Variants in TNS1 observed in about 807,000 individuals in gnomAD.
The protein encoded by TNS1 is tensin-1.
Under a neutral mutation model 168.6 loss-of-function variants are expected in TNS1, and 62 were observed. The ratio of observed to expected loss-of-function variants is 0.37; its 90% CI spans 0.30 to 0.45. The LOEUF is 0.45. Among genes scored for constraint, TNS1 ranks in the 20% least tolerant of loss-of-function variants. The pLI is 1.00. For missense variants in TNS1, 2,240 were observed against 2,339.4 expected (o/e 0.96, Z 0.88); for synonymous variants, 934 against 933.2 (o/e 1.00, Z -0.02).
intron 22 of TNS1, among the ~76,000 whole-genome samples, chr2:217,822,916 C>T (rs2125208038): frequency 6.6e-6 from 1 of 152,318 alleles, no homozygotes; most frequent in South Asian, 2.1e-4. Context: ...GAATGTCATT[C>T]CTACCACCTC....
intron 21 of TNS1, among the ~76,000 whole-genome samples, chr2:217,833,218 A>T (rs1185669480): frequency 6.6e-6 from 1 of 152,216 alleles, no homozygotes; most frequent in East Asian, 1.9e-4. Flanking sequence ...GGTGAAGCGG[A>T]CGAGAGGACC....
At chr2:217,866,012 T>C (rs1025583225) in intron 18 of TNS1, among the ~76,000 whole-genome samples, 3 of 152,096 alleles carry the variant, frequency 2.0e-5, no homozygotes, top group East Asian at 3.9e-4. Context: ...TTTCAGAAAA[T>C]CTAGAAAATC....
At chr2:217,882,615 A>G (rs977606972) in intron 16 of TNS1, among the ~76,000 whole-genome samples, 3 of 152,124 alleles carry the variant, frequency 2.0e-5, no homozygotes, top group African/African-American at 7.2e-5. Context: ...CCCCTGTCCT[A>G]CTTGCCTGAG....
chr2:217,981,467 T>C (rs1031290850), intron 2 of TNS1, among the ~76,000 whole-genome samples: 3 of 152,186 alleles, frequency 2.0e-5, no homozygotes, highest in African/African-American at 4.8e-5. Flanking sequence ...CATCAGGTAA[T>C]TGCAATACGC....
At chr2:218,013,623 C>A (rs533802757), upstream of TNS1, among the ~76,000 whole-genome samples, 1 of 152,148 alleles carries the variant, frequency 6.6e-6, no homozygotes, top group Non-Finnish European at 1.5e-5. Flanking sequence ...TGTCCCCCTG[C>A]TCATGTGACA....
intron 22 of TNS1, among the ~76,000 whole-genome samples, chr2:217,824,282 T>C (rs1038962662): frequency 6.6e-6 from 1 of 152,166 alleles, no homozygotes; most frequent in Admixed American, 6.5e-5. Context: ...GACACATGGA[T>C]AATTAGTGGC....
At chr2:217,809,408 GAT>G in intron 30 of TNS1, among the ~76,000 whole-genome samples, 1 of 121,784 alleles carries the variant, frequency 8.2e-6, no homozygotes. Context: ...TGGATGGATG[GAT>G]GGATGCATGG....
At chr2:218,019,937 C>G (rs1022659192) in intron 1 of TNS1, among the ~76,000 whole-genome samples, 1 of 152,126 alleles carries the variant, frequency 6.6e-6, no homozygotes, top group Non-Finnish European at 1.5e-5. Flanking sequence ...CCCGCTCCCC[C>G]ACTCCCCGGC....
chr2:218,010,496 CT>C (rs1288817721), upstream of TNS1: 12 of 275,368 alleles, frequency 4.4e-5, no homozygotes, highest in African/African-American at 1.3e-4. Flanking sequence ...CCGCGGCTTT[CT>C]CCTCCCCTGG....
At chr2:218,010,448 C>T (rs1434401810), upstream of TNS1, 7 of 365,274 alleles carry the variant, frequency 1.9e-5, no homozygotes, top group African/African-American at 1.0e-4. Flanking sequence ...CCACGGGGCG[C>T]GGGCAGCAGG....
chr2:217,869,603 G>A (rs1949592008), intron 18 of TNS1, among the ~76,000 whole-genome samples: 1 of 152,208 alleles, frequency 6.6e-6, no homozygotes, highest in Admixed American at 6.5e-5. Flanking sequence ...GCCACATGGG[G>A]AGGAGGTGAG....
At chr2:217,968,788 G>A (rs1260808091) in intron 3 of TNS1, among the ~76,000 whole-genome samples, 1 of 151,862 alleles carries the variant, frequency 6.6e-6, no homozygotes, top group Admixed American at 6.6e-5. Context: ...TCCGCCTCCC[G>A]GGTTCAAGAG....
chr2:217,866,860 C>T (rs1463653836), intron 18 of TNS1, among the ~76,000 whole-genome samples: 1 of 152,226 alleles, frequency 6.6e-6, no homozygotes, highest in Non-Finnish European at 1.5e-5. Context: ...GCTGGACAGG[C>T]AGGCTTCCCA....
At chr2:218,031,733 GGGGGA>G (rs1289766539) in intron 1 of TNS1, among the ~76,000 whole-genome samples, 3 of 152,180 alleles carry the variant, frequency 2.0e-5, no homozygotes, top group Non-Finnish European at 4.4e-5. Context: ...TCCAACCCAT[GGGGGA>G]GGGAGTCAGA....
In TNS1 at chr2:217,875,586, T is replaced by A. The variant is rs1157988973; in HGVS notation, c.1429+5312A>T. ...ATCCATGCCTGTCTATCTCTCCATG[T>A]CTCTCATCTATTTATTTCTTTCTCC... On this transcript the variant is annotated intron_variant, in intron 18 of 32. Coordinates refer to ENST00000682258, the MANE Select transcript of TNS1 (RefSeq NM_001387777.1). 3.9e-5 allele frequency among the ~76,000 whole-genome samples: 6 copies of A among 152,236 alleles called. No individual in the cohort carries two copies. In the East Asian group the frequency reaches 7.7e-4, roughly 20 times the overall value.
chr2:217,930,181 AT>A (rs777203589), intron 3 of TNS1, among the ~76,000 whole-genome samples: 1 of 152,250 alleles, frequency 6.6e-6, no homozygotes, highest in Admixed American at 6.5e-5. Context: ...GCTAGGGGCT[AT>A]CAGTCCATTT....
At chr2:218,009,973 G>C (rs565716388) in intron 1 of TNS1, 56 of 394,358 alleles carry the variant, frequency 1.4e-4, no homozygotes, top group Admixed American at 4.0e-4. Context: ...TGGCCGAGAC[G>C]GAGGGTCCCT....
intron 28 of TNS1, among the ~76,000 whole-genome samples, chr2:217,811,011 T>C (rs1940788208): frequency 6.6e-6 from 1 of 152,112 alleles, no homozygotes; most frequent in Non-Finnish European, 1.5e-5. Context: ...CCAGCGTAGC[T>C]GGGACTACAG....
At chr2:218,010,994 T>C (rs1958700981), upstream of TNS1, among the ~76,000 whole-genome samples, 1 of 152,086 alleles carries the variant, frequency 6.6e-6, no homozygotes, top group Non-Finnish European at 1.5e-5. Context: ...CCACTCAGTG[T>C]GAGGGCGCTC....
Sources: gnomAD v4.1 joint callset for allele counts (sites outside exome capture counted in the v4.1 genomes callset) on GRCh38, gnomAD v4.1.1 for gene constraint, MANE v1.5 for transcripts, NCBI Gene and HGNC (gene_info 2026-07-23, HGNC 2026-07-21) for gene names.